The following DLG2 variants were observed in gnomAD, a reference collection of about 807,000 sequenced individuals.
DLG2 encodes discs large MAGUK scaffold protein 2.
A neutral mutation model predicts 132.5 loss-of-function variants in DLG2; 45 were observed. The ratio of observed to expected loss-of-function variants is 0.34; its 90% CI spans 0.27 to 0.44. The LOEUF (loss-of-function observed/expected upper bound fraction) is 0.44, where lower values mean the gene tolerates loss of function less well. Among genes scored for constraint, DLG2 ranks in the 20% least tolerant of loss-of-function variants. The pLI is 1.00. For missense variants in DLG2, 1,045 were observed against 1,196.9 expected, an observed-to-expected ratio of 0.87 and a Z score of 1.87; for synonymous variants, 424 against 419.6, an observed-to-expected ratio of 1.01 and a Z score of -0.13.
intron 6 of DLG2, among the ~76,000 whole-genome samples, chr11:84,637,264 T>C (rs2099642284): frequency 6.6e-6 from 1 of 152,178 alleles, no homozygotes; most frequent in Admixed American, 6.5e-5. Context: ...TAGCAATGAT[T>C]ATGAAAAGTT....
At chr11:85,129,906 G>A (rs2075529045) in intron 5 of DLG2, among the ~76,000 whole-genome samples, 1 of 152,030 alleles carries the variant, frequency 6.6e-6, no homozygotes, top group Non-Finnish European at 1.5e-5. Flanking sequence ...GTCCTTTGCA[G>A]GGACATGGAT....
chr11:85,319,936 T>C (rs1042097860), intron 3 of DLG2, among the ~76,000 whole-genome samples: 11 of 151,870 alleles, frequency 7.2e-5, no homozygotes, highest in African/African-American at 2.7e-4. Context: ...TTTTAGTTTT[T>C]GTGAAAAAAA....
At chr11:83,639,554 C>T (rs1055212933) in intron 18 of DLG2, among the ~76,000 whole-genome samples, 1 of 126,586 alleles carries the variant, frequency 7.9e-6, no homozygotes. Flanking sequence ...GGGAATTGAA[C>T]AATGAGAACA....
chr11:84,180,915 C>A (rs117427026), intron 8 of DLG2, among the ~76,000 whole-genome samples: 2,732 of 151,754 alleles, frequency 0.018, 123 homozygotes, highest in Non-Finnish European at 0.015. Flanking sequence ...AGAAATATTG[C>A]AGTAAGTACT....
At chr11:83,511,999 T>A (rs2095053929) in intron 21 of DLG2, among the ~76,000 whole-genome samples, 1 of 152,160 alleles carries the variant, frequency 6.6e-6, no homozygotes, top group South Asian at 2.1e-4. Flanking sequence ...GCTCACAGTG[T>A]GCAATAATTG....
chr11:84,770,563 G>A (rs577923744), intron 6 of DLG2, among the ~76,000 whole-genome samples: 1 of 151,552 alleles, frequency 6.6e-6, no homozygotes, highest in Non-Finnish European at 1.5e-5. Flanking sequence ...GCAGTATTTG[G>A]TTTTCTATTC....
chr11:84,834,315 A>T (rs1268327322), intron 6 of DLG2, among the ~76,000 whole-genome samples: 1 of 151,588 alleles, frequency 6.6e-6, no homozygotes, highest in Non-Finnish European at 1.5e-5. Context: ...CTCAATCTCC[A>T]TCACCTGGGA....
chr11:85,607,158 T>G (rs778026594), intron 2 of DLG2, among the ~76,000 whole-genome samples: 37 of 152,176 alleles, frequency 2.4e-4, no homozygotes, highest in Non-Finnish European at 4.4e-4. Flanking sequence ...ATTCAGGGGC[T>G]AAATACCAGA....
At chr11:84,073,495 C>T (rs2096785234) in intron 10 of DLG2, among the ~76,000 whole-genome samples, 2 of 151,924 alleles carry the variant, frequency 1.3e-5, no homozygotes, top group Admixed American at 6.6e-5. Context: ...CACAGAGTAC[C>T]AGGTATTGTA....
In DLG2 at chr11:84,038,196, C is replaced by A. The variant is rs532151419; in HGVS notation, c.919+21119G>T. Among the ~76,000 whole-genome samples, 11 of 152,012 alleles carry A rather than the reference C, an allele frequency of 7.2e-5. No homozygotes were observed. In the South Asian group the frequency reaches 1.2e-3, roughly 17 times the overall value. On this transcript the variant is annotated intron_variant, in intron 11 of 27. Transcript: ENST00000376104. Reference sequence around the variant, plus strand: ...TCTCCACAACAAAATAAACTATCAACTGAGCAAACAGACAATCTACAGAAT... The same window carrying A: ...TCTCCACAACAAAATAAACTATCAAATGAGCAAACAGACAATCTACAGAAT...
intron 6 of DLG2, among the ~76,000 whole-genome samples, chr11:84,778,153 A>G (rs2071038091): frequency 6.6e-6 from 1 of 152,054 alleles, no homozygotes; most frequent in South Asian, 2.1e-4. Context: ...TATGGATCCA[A>G]TTTCATTCAT....
intron 17 of DLG2, among the ~76,000 whole-genome samples, chr11:83,797,817 C>A (rs921119874): frequency 2.6e-5 from 4 of 152,200 alleles, no homozygotes; most frequent in Non-Finnish European, 5.9e-5. Context: ...TGCACCCGGC[C>A]GCGTTTGCAT....
intron 17 of DLG2, among the ~76,000 whole-genome samples, chr11:83,822,670 A>C (rs904546088): frequency 1.3e-5 from 2 of 152,228 alleles, no homozygotes; most frequent in African/African-American, 4.8e-5. Context: ...CAGTGGTGAC[A>C]GCCCAGCACC....
intron 19 of DLG2, among the ~76,000 whole-genome samples, chr11:83,620,826 C>T (rs2061508857): frequency 7.2e-6 from 1 of 138,960 alleles, no homozygotes; most frequent in Non-Finnish European, 1.5e-5. Context: ...GCCGAGATCC[C>T]GCCACTGCAC....
At chr11:85,520,624 A>T (rs1490710179) in intron 3 of DLG2, among the ~76,000 whole-genome samples, 1 of 152,048 alleles carries the variant, frequency 6.6e-6, no homozygotes, top group East Asian at 1.9e-4. Context: ...CCACAGAGCT[A>T]TAGTAACCAA....
chr11:83,966,363 G>A (rs951396843), intron 12 of DLG2, among the ~76,000 whole-genome samples: 2 of 151,900 alleles, frequency 1.3e-5, no homozygotes, highest in Non-Finnish European at 2.9e-5. Context: ...CGTCTTTTCA[G>A]GTGAGCAAGT....
At chr11:85,396,107 C>T (rs762999536) in intron 3 of DLG2, among the ~76,000 whole-genome samples, 44 of 152,280 alleles carry the variant, frequency 2.9e-4, no homozygotes, top group Admixed American at 4.6e-4. Context: ...CTGCAGCCTC[C>T]GCTGGTGATA....
chr11:85,474,684 A>G (rs1006495904), intron 3 of DLG2, among the ~76,000 whole-genome samples: 28 of 151,932 alleles, frequency 1.8e-4, no homozygotes, highest in African/African-American at 6.8e-4. Context: ...CTATGCAGTC[A>G]AATAAGGTAG....
At chr11:83,906,232 G>GTCTCTCTCTCTCTCTCTCTCTCTCTCTC in intron 15 of DLG2, among the ~76,000 whole-genome samples, 1 of 71,676 alleles carries the variant, frequency 1.4e-5, no homozygotes, top group South Asian at 7.1e-4. Context: ...TATAGTAGAT[G>GTCTCTCTCTCTCTCTCTCTCTCTCTCTC]TCTCTCTCTC....
Sources: gnomAD v4.1 joint callset for allele counts (sites outside exome capture counted in the v4.1 genomes callset) on GRCh38, gnomAD v4.1.1 for gene constraint, MANE v1.5 for transcripts, NCBI Gene and HGNC (gene_info 2026-07-23, HGNC 2026-07-21) for gene names.